The following ZNF16 variants were observed in gnomAD, a reference collection of about 807,000 sequenced individuals.
The protein encoded by ZNF16 is zinc finger protein KOX9.
A neutral mutation model predicts 9.0 loss-of-function variants in ZNF16; 7 were observed. The ratio of observed to expected loss-of-function variants is 0.78; its 90% CI spans 0.44 to 1.47. ZNF16 has a LOEUF of 1.47. Ranked by LOEUF, ZNF16 falls within the 40% of genes most tolerant of loss-of-function variation. The pLI is 0.01. For synonymous variants in ZNF16, 312 were observed against 301.5 expected (o/e 1.03, Z -0.36); for missense variants, 830 against 854.2 (o/e 0.97, Z 0.35).
intron 1 of ZNF16, among the ~76,000 whole-genome samples, chr8:144,947,255 T>C (rs1312235161): frequency 6.0e-4 from 76 of 125,938 alleles, no homozygotes; most frequent in Non-Finnish European, 1.1e-3. Context: ...GGGGCCTGTG[T>C]CCTGCTGTGG....
intron 2 of ZNF16, among the ~76,000 whole-genome samples, chr8:144,941,113 C>T (rs1368718195): frequency 6.6e-6 from 1 of 152,168 alleles, no homozygotes; most frequent in Admixed American, 6.5e-5. Context: ...GTTCAAATCC[C>T]CTAGTTCCTT....
chr8:144,936,169 T>C (rs779706479), intron 2 of ZNF16, among the ~76,000 whole-genome samples: 1 of 152,220 alleles, frequency 6.6e-6, no homozygotes, highest in Non-Finnish European at 1.5e-5. Flanking sequence ...ACAAATGGAA[T>C]TATATAGTAT....
intron 1 of ZNF16, among the ~76,000 whole-genome samples, chr8:144,947,016 A>G (rs377204325): frequency 0.031 from 1,257 of 40,356 alleles, 2 homozygotes; most frequent in East Asian, 0.057. Flanking sequence ...GTGGGCCTGT[A>G]TCCTGCTGTT....
chr8:144,931,353 C>A lies in ZNF16; in HGVS notation c.1434G>T (p.Lys478Asn), dbSNP rs537540182. ...TCTCTCCCGTGTGGATGATCTGGTG[C>A]TTTCGGAGCACTGAGCTATAACTAA... ...KAFSYSSVLR[K>N]HQIIHTGEKP... The change falls in exon 3 of 3, where the codon AAG becomes AAT. Residue 478 changes from lysine to asparagine, a missense_variant. By Grantham distance (94) the Lys-to-Asn change is moderately conservative. Coordinates refer to ENST00000394909, the MANE Select transcript of ZNF16 (RefSeq NM_006958.3). 1 of 1,614,006 alleles carries A rather than the reference C, an allele frequency of 6.2e-7. No homozygotes were observed. The highest frequency in any genetic ancestry group is 1.1e-5 in the South Asian group (1 of 91,072).
At chr8:144,947,006 G>A (rs1435473720) in intron 1 of ZNF16, among the ~76,000 whole-genome samples, 1 of 68,568 alleles carries the variant, frequency 1.5e-5, no homozygotes, top group African/African-American at 5.8e-5. Flanking sequence ...GTGTCCTGCT[G>A]TGGGCCTGTA....
At chr8:144,936,466 A>G (rs962923543) in intron 2 of ZNF16, among the ~76,000 whole-genome samples, 2 of 152,176 alleles carry the variant, frequency 1.3e-5, no homozygotes, top group African/African-American at 4.8e-5. Flanking sequence ...AGGAACCACC[A>G]AATTATTTTT....
Position 144,930,598 on chromosome 8 carries a change from C to G in ZNF16, c.*140G>C, listed in dbSNP as rs377235120. The G allele has an allele frequency of 1.5e-4, 136 of 902,150 alleles. No homozygotes were observed. In the South Asian group the frequency reaches 2.5e-3, roughly 17 times the overall value. 55.9% of individuals were successfully genotyped at this position (902,150 alleles called of 1,614,324 possible). On this transcript the variant is annotated 3_prime_UTR_variant, in exon 3 of 3. Coordinates refer to ENST00000394909, the MANE Select transcript of ZNF16 (RefSeq NM_006958.3). ...TGTAAAGGATGTTTCAAAGGAGGGT[C>G]CCAGGCTATGTGGCCACTGGATGTA...
chr8:144,930,687 A>G lies in ZNF16; in HGVS notation c.*51T>C. Reference sequence around the variant, plus strand: ...GCAGAGGCTGAGACAATGGCCAAAGAGGAGTTGGAGAGGAAACTATGCTCG... The same window carrying G: ...GCAGAGGCTGAGACAATGGCCAAAGGGGAGTTGGAGAGGAAACTATGCTCG... On this transcript the variant is annotated 3_prime_UTR_variant, in exon 3 of 3. Coordinates refer to ENST00000394909, the MANE Select transcript of ZNF16 (RefSeq NM_006958.3). 6.6e-7 allele frequency: 1 copy of G among 1,509,530 alleles called. No individual in the cohort carries two copies. Among genetic ancestry groups the G allele is most frequent in the Non-Finnish European group, 8.8e-7 (1 of 1,131,228 alleles). 93.5% of individuals were successfully genotyped at this position (1,509,530 alleles called of 1,614,324 possible). A position where few individuals can be genotyped will look rare whatever the true frequency, so the allele number is the denominator to read the frequency against.
rs760216949 is a variant in ZNF16, at chr8:144,946,238, GTGAGTCTACAGA to G, written c.-9-35_-9-24del. The G allele has an allele frequency of 8.7e-6, 13 of 1,495,616 alleles. No homozygotes were observed. In the South Asian group the frequency reaches 1.5e-4, roughly 18 times the overall value. The allele number at this position is 1,495,616 out of a possible 1,614,324, so 92.6% of individuals were successfully genotyped here. ...GACCTGAAAACCGGCAAGAACACAGGTGAGTCTACAGACAGGCTAGCTCTAGGGATTCATCCT... is the reference window on the plus strand; with the variant it reads ...GACCTGAAAACCGGCAAGAACACAGGCAGGCTAGCTCTAGGGATTCATCCT... On this transcript the variant is annotated intron_variant, in intron 1 of 2. Coordinates refer to ENST00000394909, the MANE Select transcript of ZNF16 (RefSeq NM_006958.3).
intron 2 of ZNF16, chr8:144,945,461 T>A (rs1338563651): frequency 6.6e-6 from 1 of 152,208 alleles, no homozygotes; most frequent in Non-Finnish European, 1.5e-5. Context: ...TTAGTAGAGA[T>A]AGGGTCTTGC....
chr8:144,946,592 T>G (rs36162234), intron 1 of ZNF16, among the ~76,000 whole-genome samples: 5,233 of 77,238 alleles, frequency 0.068, 135 homozygotes, highest in Middle Eastern at 0.12. Flanking sequence ...CTGCTGTGGG[T>G]CTGTATCCTG....
In ZNF16 at chr8:144,945,882, T is replaced by C. The variant is rs559337492; in HGVS notation, c.196+129A>G. On this transcript the variant is annotated intron_variant, in intron 2 of 2. Coordinates refer to ENST00000394909, the MANE Select transcript of ZNF16 (RefSeq NM_006958.3). Reference sequence around the variant, plus strand: ...CTTGCTGACATCCAGCCTTGGCTCCTTGAGTCAGAGTACCCCGTCACCCTC... The same window carrying C: ...CTTGCTGACATCCAGCCTTGGCTCCCTGAGTCAGAGTACCCCGTCACCCTC... 2.2e-4 allele frequency: 320 copies of C among 1,463,690 alleles called. No individual in the cohort carries two copies. In the African/African-American group the frequency reaches 4.1e-3, roughly 19 times the overall value. The allele number at this position is 1,463,690 out of a possible 1,614,324, so 90.7% of individuals were successfully genotyped here. A position where few individuals can be genotyped will look rare whatever the true frequency, so the allele number is the denominator to read the frequency against.
At position 144,946,792 on chromosome 8, in the gene ZNF16, CCTGTGTCCTGCTGTGGGG is replaced by C. The variant is rs1338200651; in HGVS notation, c.-9-595_-9-578del. Among the ~76,000 whole-genome samples, 112 of 70,560 alleles carry C rather than the reference CCTGTGTCCTGCTGTGGGG, an allele frequency of 1.6e-3. 3 individuals carry two copies. The highest frequency in any genetic ancestry group is 2.9e-3 in the African/African-American group (53 of 18,126). The allele number at this position is 70,560 out of a possible 152,430, so 46.3% of individuals were successfully genotyped here. On this transcript the variant is annotated intron_variant, in intron 1 of 2. Coordinates refer to ENST00000394909, the MANE Select transcript of ZNF16 (RefSeq NM_006958.3). ...CTGTGGGCCTGTGTCCTGCTGTGGG[CCTGTGTCCTGCTGTGGGG>C]CTGTGTCCTGCTGTGGGCCTGTATC...
rs62531548 is a variant in ZNF16, at chr8:144,942,189, G to A, written c.196+3822C>T. 9.0e-3 allele frequency among the ~76,000 whole-genome samples: 1,327 copies of A among 148,110 alleles called. 8 individuals are homozygous for A. Among genetic ancestry groups the A allele is most frequent in the East Asian group, 0.014 (68 of 4,972 alleles). On this transcript the variant is annotated intron_variant, in intron 2 of 2. Coordinates refer to ENST00000394909, the MANE Select transcript of ZNF16 (RefSeq NM_006958.3). Reference sequence around the variant, plus strand: ...GAGACGGGGTTTCACTGTGTTAGCCGGGATGGTCTCAATCTCCTGACCTTG... The same window carrying A: ...GAGACGGGGTTTCACTGTGTTAGCCAGGATGGTCTCAATCTCCTGACCTTG...
At chr8:144,936,967 T>C (rs1390942523) in intron 2 of ZNF16, among the ~76,000 whole-genome samples, 1 of 150,150 alleles carries the variant, frequency 6.7e-6, no homozygotes, top group Admixed American at 6.6e-5. Flanking sequence ...AGTTCTGGGA[T>C]TGCAGTTGTG....
Position 144,939,582 on chromosome 8 carries a change from C to A in ZNF16, c.196+6429G>T, listed in dbSNP as rs571621518. ...CTGCACTCCAGCCTGAGGAACAGAGCGAGACTCCGTCTCAAAAAAAAAAAA... is the reference window on the plus strand; with the variant it reads ...CTGCACTCCAGCCTGAGGAACAGAGAGAGACTCCGTCTCAAAAAAAAAAAA... On this transcript the variant is annotated intron_variant, in intron 2 of 2. Coordinates refer to ENST00000394909, the MANE Select transcript of ZNF16 (RefSeq NM_006958.3). Among the ~76,000 whole-genome samples the A allele has an allele frequency of 4.7e-3, 566 of 119,542 alleles. 4 individuals carry two copies. The highest frequency in any genetic ancestry group is 0.018 in the African/African-American group (536 of 30,506). 78.4% of individuals were successfully genotyped at this position (119,542 alleles called of 152,430 possible).
intron 2 of ZNF16, among the ~76,000 whole-genome samples, chr8:144,940,678 G>A (rs1833778724): frequency 1.3e-5 from 2 of 152,198 alleles, no homozygotes; most frequent in Admixed American, 6.5e-5. Context: ...TCTGAATGGA[G>A]TATTTTATAT....
intron 2 of ZNF16, among the ~76,000 whole-genome samples, chr8:144,941,277 T>C (rs1563922669): frequency 6.6e-6 from 1 of 152,096 alleles, no homozygotes; most frequent in Non-Finnish European, 1.5e-5. Flanking sequence ...ATAATTGCCA[T>C]ATCTTCTTGA....
chr8:144,950,773 G>C (rs1426368181), intron 1 of ZNF16, 24 bp downstream of exon 1: 1 of 152,264 alleles, frequency 6.6e-6, no homozygotes, highest in Non-Finnish European at 1.5e-5. Context: ...CAGGGTCCCA[G>C]GCGTGGAGCT....
Sources: gnomAD v4.1 joint callset for allele counts (sites outside exome capture counted in the v4.1 genomes callset) on GRCh38, gnomAD v4.1.1 for gene constraint, MANE v1.5 for transcripts, NCBI Gene and HGNC (gene_info 2026-07-23, HGNC 2026-07-21) for gene names.